DPCD: variants seen among roughly 807,000 people sequenced by gnomAD.
The protein encoded by DPCD is deleted in primary ciliary dyskinesia homolog (mouse).
DPCD carries 20 observed loss-of-function variants against 26.4 expected under a neutral mutation model. The observed-to-expected ratio is 0.76, with a 90% confidence interval of 0.53 to 1.10. DPCD has a LOEUF of 1.10. Among genes scored for constraint, DPCD ranks in the 50% least tolerant of loss-of-function variants. The pLI, the probability that DPCD is intolerant of heterozygous loss-of-function variation, is 0.00. For missense variants in DPCD, 202 were observed against 253.9 expected, an observed-to-expected ratio of 0.80 and a Z score of 1.39; for synonymous variants, 97 against 94.2, an observed-to-expected ratio of 1.03 and a Z score of -0.17.
Position 101,600,926 on chromosome 10 carries a change from T to C in DPCD, c.270+64T>C, listed in dbSNP as rs1397162293. On this transcript the variant is annotated intron_variant, in intron 3 of 5. Transcript: ENST00000370151. The surrounding 1 kb of genome is among the most constrained non-coding windows in gnomAD (Gnocchi z 4.7). ...TGGGGGTGGGCTGTGGGCTGCTGGC[T>C]CTTGAGGGCAGGGACCATGTCTTGT... The C allele has an allele frequency of 1.2e-6, 2 of 1,608,784 alleles. No homozygotes were observed. Among genetic ancestry groups the C allele is most frequent in the South Asian group, 1.1e-5 (1 of 90,476 alleles).
intron 1 of DPCD, among the ~76,000 whole-genome samples, chr10:101,591,004 T>G (rs377196980): frequency 2.0e-5 from 3 of 152,316 alleles, no homozygotes; most frequent in South Asian, 4.1e-4. Flanking sequence ...CCCCTTTACT[T>G]GTTTGGATCC....
intron 4 of DPCD, chr10:101,605,330 G>A (rs956788236): frequency 7.0e-7 from 1 of 1,436,586 alleles, no homozygotes; most frequent in Admixed American, 2.3e-5. Flanking sequence ...TGAAAGGCTG[G>A]ATTGGGGAGG....
At chr10:101,609,014 A>G (rs1170498663) in intron 5 of DPCD, 77 bp downstream of exon 5, 3 of 1,218,836 alleles carry the variant, frequency 2.5e-6, no homozygotes, top group Non-Finnish European at 3.6e-6. Context: ...CCATCCCATA[A>G]GAGTCCTCAG....
In DPCD at chr10:101,603,254, A is replaced by C. The variant is rs1204219449; in HGVS notation, c.404+1918A>C. Among the ~76,000 whole-genome samples the C allele has an allele frequency of 6.6e-6, 1 of 152,208 alleles. No individual in the cohort carries two copies. The highest frequency in any genetic ancestry group is 1.5e-5 in the Non-Finnish European group (1 of 68,032). ...CCTAGAGGCCGCTGAACCCTTAGCC[A>C]GATCGTTCCCGAACCTAGTGGCATT... On this transcript the variant is annotated intron_variant, in intron 4 of 5. Transcript: ENST00000370151. This position sits in a 1 kb window ranked among gnomAD's most constrained non-coding sequence, Gnocchi z 4.6.
At position 101,600,902 on chromosome 10, in the gene DPCD, G is replaced by T. The variant is rs371077200; in HGVS notation, c.270+40G>T. 5.6e-6 allele frequency: 9 copies of T among 1,612,592 alleles called. 1 individual carries two copies. The highest frequency in any genetic ancestry group is 6.8e-6 in the Non-Finnish European group (8 of 1,179,648). The stretch of plus-strand genomic sequence containing the variant: ...CCAGGTGTCTTGCACGGACTGAGGT[G>T]GGGGTGGGCTGTGGGCTGCTGGCTC... On this transcript the variant is annotated intron_variant, in intron 3 of 5. Coordinates refer to ENST00000370151, the MANE Select transcript of DPCD (RefSeq NM_015448.3). This position sits in a 1 kb window ranked among gnomAD's most constrained non-coding sequence, Gnocchi z 4.7.
chr10:101,599,726 G>A (rs2063678441), intron 2 of DPCD, among the ~76,000 whole-genome samples: 1 of 152,192 alleles, frequency 6.6e-6, no homozygotes, highest in Admixed American at 6.5e-5. Flanking sequence ...AGAAACAACT[G>A]TAACTGAGTA....
intron 4 of DPCD, chr10:101,604,995 A>G (rs2063723340): frequency 4.8e-6 from 6 of 1,252,078 alleles, no homozygotes; most frequent in Non-Finnish European, 6.5e-6. Context: ...ACTCTGGATT[A>G]AACAGGCTTC....
rs905527458 is a variant in DPCD at position 101,589,481 on chromosome 10, G to T, written c.64+1081G>T. On this transcript the variant is annotated intron_variant, in intron 1 of 5. Transcript: ENST00000370151. ...AATAAGGTCAGGCACAGTGGCTCAC[G>T]CCCGTAATTCCAGCACTCTGGGAGG... is the stretch of plus-strand genomic sequence containing the variant. 2.6e-5 allele frequency among the ~76,000 whole-genome samples: 4 copies of T among 152,316 alleles called. 1 individual carries two copies. In the South Asian group the frequency reaches 6.2e-4, roughly 24 times the overall value.
Position 101,597,804 on chromosome 10 carries a change from C to T in DPCD, c.146-2934C>T, listed in dbSNP as rs537539841. Among the ~76,000 whole-genome samples the T allele has an allele frequency of 1.1e-4, 16 of 152,212 alleles. No homozygotes were observed. In the South Asian group the frequency reaches 2.7e-3, roughly 26 times the overall value. ...CCGTCCTTGAGTTCAGAAACAAAGA[C>T]GGGGGCAAGAAAGACAAGACAAAGT... On this transcript the variant is annotated intron_variant, in intron 2 of 5. Coordinates refer to ENST00000370151, the MANE Select transcript of DPCD (RefSeq NM_015448.3).
At position 101,594,763 on chromosome 10, in the gene DPCD, G is replaced by A. The variant is rs574639886; in HGVS notation, c.145+25G>A. On this transcript the variant is annotated intron_variant, in intron 2 of 5. Coordinates refer to ENST00000370151, the MANE Select transcript of DPCD (RefSeq NM_015448.3). ...GGTAAGTGACAGAGGCTCCCAGTGG[G>A]CCTTTAGTAATACTTGGGGCTGACA... 1.5e-5 allele frequency: 24 copies of A among 1,607,562 alleles called. No individual in the cohort carries two copies. In the East Asian group the frequency reaches 4.9e-4, roughly 33 times the overall value.
intron 2 of DPCD, 22 bp downstream of exon 2, chr10:101,594,760 T>C (rs2063638159): frequency 6.2e-7 from 1 of 1,609,946 alleles, no homozygotes; most frequent in Non-Finnish European, 8.5e-7. Context: ...AGGCTCCCAG[T>C]GGGCCTTTAG....
At chr10:101,594,907 A>G (rs991387714) in intron 2 of DPCD, among the ~76,000 whole-genome samples, 169 bp downstream of exon 2, 9 of 152,148 alleles carry the variant, frequency 5.9e-5, no homozygotes, top group African/African-American at 1.9e-4. Context: ...CTGGGCACCA[A>G]AAGTGGAATG....
At position 101,601,982 on chromosome 10, in the gene DPCD, G is replaced by A. The variant is rs377044707; in HGVS notation, c.404+646G>A. On this transcript the variant is annotated intron_variant, in intron 4 of 5. Coordinates refer to ENST00000370151, the MANE Select transcript of DPCD (RefSeq NM_015448.3). Reference sequence around the variant, plus strand: ...GTTGAAAGGACAGAAGGTGGCCACAGTGCATTTCCATTTTGGAAATGCATT... The same window carrying A: ...GTTGAAAGGACAGAAGGTGGCCACAATGCATTTCCATTTTGGAAATGCATT... Among the ~76,000 whole-genome samples, 120 of 152,304 alleles carry A rather than the reference G, an allele frequency of 7.9e-4. 3 individuals are homozygous for A. The highest frequency in any genetic ancestry group is 2.7e-3 in the African/African-American group (112 of 41,576).
At position 101,603,054 on chromosome 10, in the gene DPCD, G is replaced by A. The variant is rs2063709010; in HGVS notation, c.404+1718G>A. Among the ~76,000 whole-genome samples, 1 of 152,262 alleles carries A rather than the reference G, an allele frequency of 6.6e-6. No individual in the cohort carries two copies. The highest frequency in any genetic ancestry group is 2.1e-4 in the South Asian group (1 of 4,836). On this transcript the variant is annotated intron_variant, in intron 4 of 5. Transcript: ENST00000370151. This position sits in a 1 kb window ranked among gnomAD's most constrained non-coding sequence, Gnocchi z 4.6. ...TTGTTGGACATTTTTGAAATGATGG[G>A]TGAGGCCAGGTGGGATGGGAGTGAT...
intron 1 of DPCD, among the ~76,000 whole-genome samples, chr10:101,589,658 C>A (rs2063568894): frequency 6.6e-6 from 1 of 152,126 alleles, no homozygotes; most frequent in Admixed American, 6.5e-5. Context: ...GTGGGCGGAT[C>A]CCTTGAGGCC....
In DPCD at chr10:101,588,384, T is replaced by C. The variant is rs777584467; in HGVS notation, c.48T>C (p.Thr16=). ...AGAGTCTGCGGACAGCCCAGAAGAC[T>C]GCGCTGCTGCAGGACGGTAACTCGA... is the stretch of plus-strand genomic sequence containing the variant. ...WLESLRTAQK[T]ALLQDGRRKV... The change falls in exon 1 of 6, where the codon ACT becomes ACC. Residue 16 remains threonine, a synonymous_variant. Transcript: ENST00000370151. The C allele has an allele frequency of 6.9e-6, 11 of 1,596,750 alleles. No individual in the cohort carries two copies. The highest frequency in any genetic ancestry group is 3.4e-5 in the Admixed American group (2 of 58,026).
intron 4 of DPCD, among the ~76,000 whole-genome samples, chr10:101,606,725 C>T (rs2063735536): frequency 6.6e-6 from 1 of 152,156 alleles, no homozygotes; most frequent in South Asian, 2.1e-4. Context: ...AACGTTATGA[C>T]CCTTCCAGAA....
chr10:101,596,543 G>A (rs1462781363), intron 2 of DPCD: 1 of 152,192 alleles, frequency 6.6e-6, no homozygotes, highest in Non-Finnish European at 1.5e-5. Context: ...TGGGAGTTGA[G>A]AACACTTAAA....
intron 2 of DPCD, among the ~76,000 whole-genome samples, chr10:101,597,159 C>G (rs2063658657): frequency 6.6e-6 from 1 of 152,116 alleles, no homozygotes; most frequent in South Asian, 2.1e-4. Context: ...GGCAGGCCAT[C>G]CCCCAGCGAT....
Sources: gnomAD v4.1 joint callset for allele counts (sites outside exome capture counted in the v4.1 genomes callset) on GRCh38, gnomAD v4.1.1 for gene constraint, Gnocchi (gnomAD v3.1) non-coding constraint, MANE v1.5 for transcripts, NCBI Gene and HGNC (gene_info 2026-07-23, HGNC 2026-07-21) for gene names.